ZNF564: variants seen among roughly 807,000 people sequenced by gnomAD.
ZNF564 encodes zinc finger protein 564.
ZNF564 carries 5 observed loss-of-function variants against 10.5 expected under a neutral mutation model. That is an observed-to-expected ratio of 0.48 (90% CI 0.25 to 1.00). The LOEUF is 1.00. Ranked by LOEUF, ZNF564 falls within the 50% of genes least tolerant of loss-of-function variation. The pLI is 0.16. For synonymous variants in ZNF564, 242 were observed against 218.1 expected, an observed-to-expected ratio of 1.11 and a Z score of -0.97; for missense variants, 603 against 669.7, an observed-to-expected ratio of 0.90 and a Z score of 1.10.
intron 1 of ZNF564, among the ~76,000 whole-genome samples, chr19:12,549,450 T>TCTGC (rs900322390): frequency 2.0e-5 from 3 of 152,180 alleles, no homozygotes; most frequent in African/African-American, 7.2e-5. Flanking sequence ...CCCTGCTCAC[T>TCTGC]CTGCCCCAAG....
chr19:12,536,752 T>G (rs914119559), intron 1 of ZNF564, among the ~76,000 whole-genome samples: 1 of 152,134 alleles, frequency 6.6e-6, no homozygotes, highest in Non-Finnish European at 1.5e-5. Flanking sequence ...ATCCCAACAC[T>G]TTGGGAAGCC....
rs1002513322 is a variant in ZNF564 at position 12,551,410 on chromosome 19, G to T, written c.-78C>A. Reference sequence around the variant, plus strand: ...TGCAGGTCCCAGCGCGCCAGACGCTGCGGTGGAGCCACCGGGGCCACTGGA... The same window carrying T: ...TGCAGGTCCCAGCGCGCCAGACGCTTCGGTGGAGCCACCGGGGCCACTGGA... On this transcript the variant is annotated 5_prime_UTR_variant, in exon 1 of 4. Transcript: ENST00000339282. The T allele has an allele frequency of 1.3e-6, 2 of 1,484,294 alleles. No individual in the cohort carries two copies. The highest frequency in any genetic ancestry group is 9.0e-7 in the Non-Finnish European group (1 of 1,112,564). 91.9% of individuals were successfully genotyped at this position (1,484,294 alleles called of 1,614,324 possible). A position where few individuals can be genotyped will look rare whatever the true frequency, so the allele number is the denominator to read the frequency against.
rs1461326665 is a variant in ZNF564 at position 12,526,368 on chromosome 19, C to CA, written c.*77dup. The CA allele has an allele frequency of 7.0e-7, 1 of 1,436,272 alleles. No individual in the cohort carries two copies. The highest frequency in any genetic ancestry group is 2.3e-5 in the Admixed American group (1 of 42,896). The allele number at this position is 1,436,272 out of a possible 1,614,324, so 89.0% of individuals were successfully genotyped here. On this transcript the variant is annotated 3_prime_UTR_variant, in exon 4 of 4. Transcript: ENST00000339282. Reference sequence around the variant, plus strand: ...CAGGAGAAAGGGGTGAGCTCCCAAACAAGTCTGAAACCCAGAAAGCAAACT... The same window carrying CA: ...CAGGAGAAAGGGGTGAGCTCCCAAACAAAGTCTGAAACCCAGAAAGCAAACT...
intron 2 of ZNF564, 87 bp from the exon 3 acceptor site, chr19:12,528,451 A>C (rs2021736176): frequency 6.3e-7 from 1 of 1,575,632 alleles, no homozygotes; most frequent in Non-Finnish European, 8.6e-7. Flanking sequence ...AGGTGCAAAC[A>C]ACCCTGATTT....
intron 1 of ZNF564, among the ~76,000 whole-genome samples, chr19:12,535,540 G>A (rs906170548): frequency 6.6e-6 from 1 of 152,130 alleles, no homozygotes; most frequent in African/African-American, 2.4e-5. Context: ...ATGAATGAAT[G>A]TGTAAACTAT....
At chr19:12,531,948 CAT>C (rs777889083) in intron 1 of ZNF564, among the ~76,000 whole-genome samples, 12 of 152,126 alleles carry the variant, frequency 7.9e-5, no homozygotes, top group Non-Finnish European at 1.3e-4. Context: ...CAAAGACACA[CAT>C]ATTAAAAGTA....
intron 1 of ZNF564, among the ~76,000 whole-genome samples, chr19:12,534,942 T>C (rs1252603205): frequency 6.6e-6 from 1 of 152,220 alleles, no homozygotes; most frequent in Non-Finnish European, 1.5e-5. Flanking sequence ...GTTTTATTCA[T>C]AATTTCTAGA....
intron 1 of ZNF564, among the ~76,000 whole-genome samples, chr19:12,538,656 T>G (rs1204788239): frequency 2.7e-5 from 4 of 150,746 alleles, no homozygotes; most frequent in Admixed American, 2.0e-4. Context: ...ATAAAAAAAT[T>G]TTAACTAGTC....
At chr19:12,551,190 G>C (rs2022251885) in intron 1 of ZNF564, 140 bp downstream of exon 1, 1 of 981,710 alleles carries the variant, frequency 1.0e-6, no homozygotes, top group South Asian at 1.4e-5. Context: ...CGAGGGGACA[G>C]AGGGCCGAGC....
chr19:12,543,143 T>C (rs1181333195), intron 1 of ZNF564, among the ~76,000 whole-genome samples: 5 of 146,788 alleles, frequency 3.4e-5, no homozygotes, highest in Non-Finnish European at 6.0e-5. Context: ...TTTGTAAAAA[T>C]ACAAAAAAAT....
intron 1 of ZNF564, among the ~76,000 whole-genome samples, chr19:12,534,748 A>T (rs1212468457): frequency 6.6e-6 from 1 of 152,158 alleles, no homozygotes; most frequent in East Asian, 1.9e-4. Flanking sequence ...CAGGAGGTGG[A>T]GGCTGCAGTA....
intron 1 of ZNF564, among the ~76,000 whole-genome samples, chr19:12,549,933 C>T (rs1439800106): frequency 6.6e-6 from 1 of 152,170 alleles, no homozygotes; most frequent in African/African-American, 2.4e-5. Context: ...AGGGGAAACT[C>T]CACCCAAAGA....
chr19:12,551,164 C>T (rs1436348852), intron 1 of ZNF564, among the ~76,000 whole-genome samples, 166 bp downstream of exon 1: 3 of 152,256 alleles, frequency 2.0e-5, no homozygotes, highest in Non-Finnish European at 4.4e-5. Context: ...GGCTACGGCC[C>T]AACCCACCCT....
rs1008992440 is a variant in ZNF564 at position 12,540,777 on chromosome 19, T to C, written c.3+10553A>G. On this transcript the variant is annotated intron_variant, in intron 1 of 3. Coordinates refer to ENST00000339282, the MANE Select transcript of ZNF564 (RefSeq NM_144976.4). ...GCTGAGGCAGAAGAATGGTGTGAAC[T>C]CGGGAGGCAGAGCTTGCAGTGAGCC... Among the ~76,000 whole-genome samples, 7 of 151,202 alleles carry C rather than the reference T, an allele frequency of 4.6e-5. No individual in the cohort carries two copies. In the East Asian group the frequency reaches 9.8e-4, roughly 21 times the overall value.
intron 1 of ZNF564, among the ~76,000 whole-genome samples, chr19:12,533,434 A>G (rs1400721196): frequency 1.3e-5 from 2 of 152,202 alleles, no homozygotes; most frequent in Non-Finnish European, 2.9e-5. Flanking sequence ...ATCATCTAAG[A>G]GTCTACTTCG....
At chr19:12,550,702 G>A (rs1402564615) in intron 1 of ZNF564, 1 of 157,548 alleles carries the variant, frequency 6.3e-6, no homozygotes, top group African/African-American at 2.4e-5. Flanking sequence ...TTTCAAAAGA[G>A]TATGGTGAAA....
intron 1 of ZNF564, 86 bp downstream of exon 1, chr19:12,551,244 G>A (rs2022253916): frequency 1.4e-6 from 2 of 1,467,884 alleles, no homozygotes; most frequent in Non-Finnish European, 1.9e-6. Context: ...TCGCTGCAGG[G>A]AGGCCAGGGT....
intron 1 of ZNF564, among the ~76,000 whole-genome samples, chr19:12,532,084 A>G (rs1179193823): frequency 6.6e-6 from 1 of 152,198 alleles, no homozygotes; most frequent in Non-Finnish European, 1.5e-5. Context: ...GTGCAGTGGC[A>G]CATGCCTATG....
chr19:12,534,792 C>T (rs1488902170), intron 1 of ZNF564, among the ~76,000 whole-genome samples: 5 of 151,654 alleles, frequency 3.3e-5, no homozygotes, highest in African/African-American at 9.7e-5. Flanking sequence ...CCAGCCTGGA[C>T]GACAGAGCAA....
Sources: allele counts gnomAD v4.1 joint callset (sites outside exome capture counted in the v4.1 genomes callset), GRCh38; gene constraint gnomAD v4.1.1; transcripts MANE v1.5; gene names NCBI Gene and HGNC (gene_info 2026-07-23, HGNC 2026-07-21).